Variants in SPATA9 observed in about 807,000 individuals in gnomAD.
SPATA9 encodes spermatogenesis associated 9, also known as spermatogenesis-associated protein 9.
In SPATA9, 27 loss-of-function variants were observed where a neutral mutation model predicts 25.5. That is an observed-to-expected ratio of 1.06 (90% CI 0.78 to 1.46). The LOEUF (loss-of-function observed/expected upper bound fraction) is 1.46. Among genes scored for constraint, SPATA9 ranks in the 40% most tolerant of loss-of-function variants. The pLI, the probability that SPATA9 is intolerant of heterozygous loss-of-function variation, is 0.00. For synonymous variants in SPATA9, 102 were observed against 105.7 expected (o/e 0.97, Z 0.21); for missense variants, 282 against 297.5 (o/e 0.95, Z 0.38).
At chr5:95,723,081 C>T in the SPATA9 span, among the ~76,000 whole-genome samples, 364 of 152,018 alleles carry the variant, frequency 2.4e-3, no homozygotes, top group African/African-American at 8.5e-3. Flanking sequence ...TTCACATGTA[C>T]ATAACATTCT....
chr5:95,661,053 T>C (rs574771310), intron 4 of SPATA9, among the ~76,000 whole-genome samples: 2 of 152,218 alleles, frequency 1.3e-5, no homozygotes, highest in African/African-American at 4.8e-5. Flanking sequence ...TATCCAGTTA[T>C]GCCGCTGAAA....
the SPATA9 span, chr5:95,719,646 G>A: frequency 6.6e-6 from 1 of 152,170 alleles, no homozygotes; most frequent in African/African-American, 2.4e-5. Flanking sequence ...TTGCATACCT[G>A]TTCAGAGAGT....
At chr5:95,714,736 CAAA>C in the SPATA9 span, among the ~76,000 whole-genome samples, 48,848 of 137,932 alleles carry the variant, frequency 0.35, 8,329 homozygotes, top group South Asian at 0.46. Flanking sequence ...AAATCAATTT[CAAA>C]AAAAAAAAAA....
At chr5:95,722,391 C>T in the SPATA9 span, among the ~76,000 whole-genome samples, 128 of 152,162 alleles carry the variant, frequency 8.4e-4, no homozygotes, top group Non-Finnish European at 1.6e-3. Flanking sequence ...GGAAAACTTC[C>T]AAAAAATTAT....
chr5:95,695,923 C>A (rs569396293), intron 1 of SPATA9, among the ~76,000 whole-genome samples: 245 of 152,292 alleles, frequency 1.6e-3, no homozygotes, highest in Non-Finnish European at 2.4e-3. Context: ...GTCTTGCTCG[C>A]TCTTTCTCTC....
intron 1 of SPATA9, 75 bp downstream of exon 1, chr5:95,682,719 G>A: frequency 6.6e-7 from 1 of 1,508,200 alleles, no homozygotes; most frequent in Non-Finnish European, 9.0e-7. Flanking sequence ...GACTCGGAAA[G>A]TAAAGGAACT....
upstream of SPATA9, among the ~76,000 whole-genome samples, chr5:95,700,257 C>T (rs534890514): frequency 8.6e-5 from 13 of 152,030 alleles, no homozygotes; most frequent in African/African-American, 3.1e-4. Context: ...AGTGGGTGCC[C>T]ATTTGCCCTT....
the SPATA9 span, among the ~76,000 whole-genome samples, chr5:95,730,127 A>G: frequency 4.6e-5 from 7 of 152,046 alleles, no homozygotes; most frequent in Admixed American, 6.6e-5. Flanking sequence ...CTCCCATTAT[A>G]TCCTCTCTGA....
the SPATA9 span, among the ~76,000 whole-genome samples, chr5:95,718,522 GAGATATCCAAGTT>G: frequency 2.0e-5 from 3 of 152,192 alleles, no homozygotes; most frequent in African/African-American, 4.8e-5. Context: ...ACTGAGGGAA[GAGATATCCAAGTT>G]AGAGACAGGG....
chr5:95,680,219 TG>T (rs1285022950), intron 2 of SPATA9, among the ~76,000 whole-genome samples: 1 of 152,168 alleles, frequency 6.6e-6, no homozygotes, highest in Non-Finnish European at 1.5e-5. Context: ...TTTTTAGAAA[TG>T]TATAGGCTCA....
intron 3 of SPATA9, among the ~76,000 whole-genome samples, chr5:95,669,478 T>C (rs1752151339): frequency 6.6e-6 from 1 of 151,890 alleles, no homozygotes; most frequent in African/African-American, 2.4e-5. Context: ...AGAACACGAG[T>C]TCACTGGGAT....
chr5:95,691,214 T>C (rs1411840388), intron 1 of SPATA9, among the ~76,000 whole-genome samples: 2 of 69,590 alleles, frequency 2.9e-5, no homozygotes, highest in South Asian at 5.0e-4. Flanking sequence ...AGACTCCGTC[T>C]CAAAAAAAAA....
chr5:95,718,425 G>T, the SPATA9 span, among the ~76,000 whole-genome samples: 1 of 152,204 alleles, frequency 6.6e-6, no homozygotes, highest in Non-Finnish European at 1.5e-5. Context: ...AACGGATGTG[G>T]CTACATGCAA....
chr5:95,677,434 T>C (rs1194381653), intron 2 of SPATA9, among the ~76,000 whole-genome samples: 1 of 152,208 alleles, frequency 6.6e-6, no homozygotes, highest in African/African-American at 2.4e-5. Flanking sequence ...AAGTTTTCAG[T>C]GCACAGTTCT....
chr5:95,731,528 C>T, the SPATA9 span: 2 of 1,348,674 alleles, frequency 1.5e-6, no homozygotes, highest in Non-Finnish European at 1.9e-6. Flanking sequence ...GCGGCCCCGG[C>T]CCCGCTCTGC....
chr5:95,663,839 C>T (rs962086844), intron 4 of SPATA9, 114 bp downstream of exon 4: 67 of 538,070 alleles, frequency 1.2e-4, no homozygotes, highest in African/African-American at 8.3e-4. Flanking sequence ...TTTTGTGTAA[C>T]GAGACTGTGA....
the SPATA9 span, among the ~76,000 whole-genome samples, chr5:95,724,894 A>G: frequency 9.1e-4 from 138 of 152,300 alleles, 1 homozygote; most frequent in Non-Finnish European, 1.6e-3. Flanking sequence ...TTAAGTATAT[A>G]AAGAATTATG....
the SPATA9 span, among the ~76,000 whole-genome samples, chr5:95,718,318 T>C: frequency 2.0e-5 from 3 of 152,282 alleles, no homozygotes; most frequent in African/African-American, 7.2e-5. Flanking sequence ...GTACAGTCCC[T>C]GCAAGTTAAA....
intron 2 of SPATA9, among the ~76,000 whole-genome samples, chr5:95,679,520 A>G (rs1399165799): frequency 2.0e-5 from 3 of 152,230 alleles, no homozygotes; most frequent in Non-Finnish European, 2.9e-5. Context: ...TGATCTGACC[A>G]GCACTTGGAT....
Sources: gnomAD v4.1 joint callset for allele counts (sites outside exome capture counted in the v4.1 genomes callset) on GRCh38, gnomAD v4.1.1 for gene constraint, MANE v1.5 for transcripts, NCBI Gene and HGNC (gene_info 2026-07-23, HGNC 2026-07-21) for gene names.